The following WDR49 variants were observed in gnomAD, a reference collection of about 807,000 sequenced individuals.
The protein encoded by WDR49 is WD repeat domain 49.
Under a neutral mutation model 119.5 loss-of-function variants are expected in WDR49, and 107 were observed. The observed-to-expected ratio is 0.90, with a 90% CI of 0.77 to 1.05. The LOEUF is 1.05. Ranked by LOEUF, WDR49 falls within the 50% of genes least tolerant of loss-of-function variation. The probability of loss-of-function intolerance (pLI) is 0.00; values close to 1 mark genes in which losing one functional copy is unlikely to be tolerated. For missense variants in WDR49, 1,240 were observed against 1,220.5 expected (o/e 1.02, Z -0.24); for synonymous variants, 425 against 418.8 (o/e 1.01, Z -0.18).
chr3:167,555,465 A>G (rs1488017838), intron 9 of WDR49, among the ~76,000 whole-genome samples: 1 of 152,216 alleles, frequency 6.6e-6, no homozygotes, highest in Admixed American at 6.5e-5. Flanking sequence ...CAAATTAATC[A>G]GATCCAAGGA....
chr3:167,493,641 C>G (rs1026992901), intron 18 of WDR49, among the ~76,000 whole-genome samples: 3 of 152,134 alleles, frequency 2.0e-5, no homozygotes, highest in African/African-American at 7.2e-5. Context: ...CCTTAGAGTT[C>G]TGTTTACTTC....
rs191260729 is a variant in WDR49, at chr3:167,620,640, G to A, written c.784-37C>T. 2,517 of 1,482,840 alleles carry A rather than the reference G, an allele frequency of 1.7e-3. 19 individuals carry two copies. Among genetic ancestry groups the A allele is most frequent in the African/African-American group, 0.013 (946 of 71,094 alleles). 91.9% of individuals were successfully genotyped at this position (1,482,840 alleles called of 1,614,324 possible). A position where few individuals can be genotyped will look rare whatever the true frequency, so the allele number is the denominator to read the frequency against. ...CATTGAAAGAACAACAATCGTGGAC[G>A]GGATATTTGTTGCAAGAAGATTCTA... On this transcript the variant is annotated intron_variant, in intron 4 of 18. Transcript: ENST00000682715.
At chr3:167,538,406 T>G (rs1424970614) in intron 10 of WDR49, among the ~76,000 whole-genome samples, 1 of 152,174 alleles carries the variant, frequency 6.6e-6, no homozygotes, top group Non-Finnish European at 1.5e-5. Flanking sequence ...ATTATATCTC[T>G]GCAATATGTT....
At chr3:167,657,444 GATACATCTCTATGCCCACC>G (rs1718631535), upstream of WDR49, among the ~76,000 whole-genome samples, 2 of 151,968 alleles carry the variant, frequency 1.3e-5, no homozygotes, top group South Asian at 2.1e-4. Context: ...AGACAAATGA[GATACATCTCTATGCCCACC>G]ATTGCTCAGA....
intron 2 of WDR49, among the ~76,000 whole-genome samples, chr3:167,645,346 G>T: frequency 6.6e-6 from 1 of 151,992 alleles, no homozygotes; most frequent in East Asian, 1.9e-4. Context: ...GAGTAGCTGG[G>T]ATTACAGACA....
rs1190428400 is a variant in WDR49, at chr3:167,575,910, A to G, written c.1509+8T>C. 1 of 1,613,278 alleles carries G rather than the reference A, an allele frequency of 6.2e-7. No individual in the cohort carries two copies. The highest frequency in any genetic ancestry group is 8.5e-7 in the Non-Finnish European group (1 of 1,179,308). ...TTAGGAGAGTGAAAGAAAAGAAAGC[A>G]TCATTACCTGCTTCAAGATAGAATT... On this transcript the variant is annotated splice_region_variant and intron_variant, in intron 8 of 18. Transcript: ENST00000682715.
At chr3:167,484,615 C>T (rs1322281613) in intron 18 of WDR49, among the ~76,000 whole-genome samples, 2 of 151,410 alleles carry the variant, frequency 1.3e-5, no homozygotes, top group East Asian at 3.9e-4. Flanking sequence ...AATATGAAGT[C>T]CTGCTGATTT....
intron 16 of WDR49, among the ~76,000 whole-genome samples, chr3:167,520,776 T>G (rs1752407586): frequency 6.6e-6 from 1 of 152,026 alleles, no homozygotes; most frequent in African/African-American, 2.4e-5. Flanking sequence ...GTGTGAAGAG[T>G]CATTTTGCCA....
chr3:167,487,556 T>G (rs1261264999), intron 18 of WDR49, among the ~76,000 whole-genome samples: 1 of 151,882 alleles, frequency 6.6e-6, no homozygotes, highest in Non-Finnish European at 1.5e-5. Flanking sequence ...AAAAGCTTCA[T>G]CACAGCAAAA....
intron 4 of WDR49, among the ~76,000 whole-genome samples, chr3:167,621,050 C>T (rs1047263840): frequency 2.0e-5 from 3 of 151,800 alleles, no homozygotes; most frequent in Non-Finnish European, 2.9e-5. Flanking sequence ...AATGAGCACT[C>T]GGTAGGAAAT....
intron 8 of WDR49, among the ~76,000 whole-genome samples, chr3:167,563,901 G>T (rs140425462): frequency 5.4e-4 from 82 of 152,186 alleles, no homozygotes; most frequent in African/African-American, 1.8e-3. Flanking sequence ...TTATATGTTA[G>T]CCATTTCAGT....
intron 2 of WDR49, among the ~76,000 whole-genome samples, chr3:167,637,243 A>G (rs1222087125): frequency 6.6e-6 from 1 of 151,858 alleles, no homozygotes; most frequent in Non-Finnish European, 1.5e-5. Flanking sequence ...CATTTGTTGA[A>G]TAGGGTGTTC....
At chr3:167,520,800 A>T (rs1752408385) in intron 16 of WDR49, among the ~76,000 whole-genome samples, 4 of 152,166 alleles carry the variant, frequency 2.6e-5, no homozygotes, top group Non-Finnish European at 5.9e-5. Context: ...AGGTAGCTCC[A>T]AAACTGATCT....
rs1471185740 is a variant in WDR49 at position 167,653,470 on chromosome 3, G to C, written c.-45C>G. 7.0e-7 allele frequency: 1 copy of C among 1,430,574 alleles called. No homozygotes were observed. The highest frequency in any genetic ancestry group is 9.1e-7 in the Non-Finnish European group (1 of 1,099,034). 88.6% of individuals were successfully genotyped at this position (1,430,574 alleles called of 1,614,324 possible). The stretch of plus-strand genomic sequence containing the variant: ...AGTTGCCTTCAACTATTTCTATAAG[G>C]ATGGATCTTCTTTTTCCTTCAACAG... On this transcript the variant is annotated 5_prime_UTR_variant, in exon 2 of 19. The change creates a new upstream start codon in the 5' untranslated region. Coordinates refer to ENST00000682715, the MANE Select transcript of WDR49 (RefSeq NM_001366157.1).
At chr3:167,596,565 T>A (rs2108300696) in intron 7 of WDR49, among the ~76,000 whole-genome samples, 1 of 150,214 alleles carries the variant, frequency 6.7e-6, no homozygotes, top group East Asian at 2.0e-4. Flanking sequence ...TTCATGTCCT[T>A]TGTAGGGACA....
intron 3 of WDR49, among the ~76,000 whole-genome samples, chr3:167,624,689 C>T (rs1717044914): frequency 6.6e-6 from 1 of 151,720 alleles, no homozygotes; most frequent in Admixed American, 6.6e-5. Flanking sequence ...ATTGAGTAAG[C>T]ACAAAAGAAA....
chr3:167,560,082 G>A lies in WDR49; in HGVS notation c.1656C>T (p.Ser552=), dbSNP rs1713172515. Residue 552 remains serine, a synonymous_variant, in exon 9 of 19, where the codon AGC becomes AGT. Coordinates refer to ENST00000682715, the MANE Select transcript of WDR49 (RefSeq NM_001366157.1). ...DANETRLLTG[S]TDGTVKIWDF... is the part of the protein sequence containing the mutation. The stretch of plus-strand genomic sequence containing the variant: ...TTCGCACCTTTACAGTCCCATCTGT[G>A]CTGCCAGTCAAAAGCCGAGTCTCAT... 6.2e-7 allele frequency: 1 copy of A among 1,614,088 alleles called. No individual in the cohort carries two copies. The highest frequency in any genetic ancestry group is 8.5e-7 in the Non-Finnish European group (1 of 1,179,996).
chr3:167,527,342 C>T (rs561774217), intron 15 of WDR49, among the ~76,000 whole-genome samples: 14 of 152,008 alleles, frequency 9.2e-5, no homozygotes, highest in Admixed American at 5.9e-4. Context: ...CCCACGTACA[C>T]AAGAAAAACT....
chr3:167,545,501 A>ATT (rs1441792111), intron 10 of WDR49, among the ~76,000 whole-genome samples: 1,383 of 128,928 alleles, frequency 0.011, 21 homozygotes, highest in Non-Finnish European at 0.015. Context: ...TATATTATAT[A>ATT]TTATATATTA....
Sources: allele counts gnomAD v4.1 joint callset (sites outside exome capture counted in the v4.1 genomes callset), GRCh38; gene constraint gnomAD v4.1.1; transcripts MANE v1.5; gene names NCBI Gene and HGNC (gene_info 2026-07-23, HGNC 2026-07-21).